The following PCBP3 variants were observed in gnomAD, a reference collection of about 807,000 sequenced individuals.
PCBP3 encodes poly(rC)-binding protein 3.
PCBP3 carries 25 observed loss-of-function variants against 52.7 expected under a neutral mutation model. That is an observed-to-expected ratio of 0.47 (90% CI 0.35 to 0.66). The LOEUF (loss-of-function observed/expected upper bound fraction) is 0.66, where lower values mean the gene tolerates loss of function less well. Ranked by LOEUF, PCBP3 falls within the 30% of genes least tolerant of loss-of-function variation. The pLI, the probability that PCBP3 is intolerant of heterozygous loss-of-function variation, is 0.01. For missense variants in PCBP3, 391 were observed against 490.3 expected, an observed-to-expected ratio of 0.80 and a Z score of 1.91; for synonymous variants, 162 against 183.0, an observed-to-expected ratio of 0.89 and a Z score of 0.93.
rs542435000 is a variant in PCBP3 at position 45,741,205 on chromosome 21, G to A, written c.-162+5776G>A. 8.5e-5 allele frequency among the ~76,000 whole-genome samples: 13 copies of A among 152,294 alleles called. No individual in the cohort carries two copies. Among genetic ancestry groups the A allele is most frequent in the Admixed American group, 7.8e-4 (12 of 15,298 alleles). On this transcript the variant is annotated intron_variant, in intron 3 of 17. Coordinates refer to ENST00000681687, the MANE Select transcript of PCBP3 (RefSeq NM_001384156.1). This position sits in a 1 kb window ranked among gnomAD's most constrained non-coding sequence, Gnocchi z 4.5. Reference sequence around the variant, plus strand: ...CCAAGAAGGGCTGGAGGGTGATGTCGGGATGAGTGGGTCTGCAGTGGTCGG... The same window carrying A: ...CCAAGAAGGGCTGGAGGGTGATGTCAGGATGAGTGGGTCTGCAGTGGTCGG...
intron 2 of PCBP3, among the ~76,000 whole-genome samples, chr21:45,687,821 G>C (rs949156349): frequency 2.0e-5 from 3 of 151,388 alleles, no homozygotes; most frequent in African/African-American, 4.9e-5. Context: ...AGCTCCACCC[G>C]CCAGGTTCAT....
rs1044949937 is a variant in PCBP3, at chr21:45,904,312, G to A, written c.339+3199G>A. ...ATGGCCAAGGAAGCTCGAGGGATTCGGACAGTTTTCATCTTTTGGTCCTTC... is the reference window on the plus strand; with the variant it reads ...ATGGCCAAGGAAGCTCGAGGGATTCAGACAGTTTTCATCTTTTGGTCCTTC... On this transcript the variant is annotated intron_variant, in intron 9 of 17. Transcript: ENST00000681687. This position sits in a 1 kb window ranked among gnomAD's most constrained non-coding sequence, Gnocchi z 4.8. Among the ~76,000 whole-genome samples, 5 of 152,188 alleles carry A rather than the reference G, an allele frequency of 3.3e-5. No homozygotes were observed. The highest frequency in any genetic ancestry group is 2.1e-4 in the South Asian group (1 of 4,824).
At chr21:45,652,194 T>C (rs2079729962) in intron 1 of PCBP3, among the ~76,000 whole-genome samples, 1 of 152,226 alleles carries the variant, frequency 6.6e-6, no homozygotes, top group Admixed American at 6.5e-5. Flanking sequence ...CCCTTGTTCT[T>C]TTCTTCTTGC....
intron 2 of PCBP3, among the ~76,000 whole-genome samples, chr21:45,699,099 G>A (rs1673669342): frequency 6.6e-6 from 1 of 152,140 alleles, no homozygotes; most frequent in Non-Finnish European, 1.5e-5. Context: ...CTCAAACATG[G>A]CTCACAAATG....
chr21:45,854,201 ACTC>A (rs553977930), intron 5 of PCBP3, among the ~76,000 whole-genome samples: 277 of 149,094 alleles, frequency 1.9e-3, no homozygotes, highest in Non-Finnish European at 3.1e-3. Flanking sequence ...CTCAAATACG[ACTC>A]CTCCTGCCCT....
rs1007556181 is a variant in PCBP3, at chr21:45,853,879, GAATA to G, written c.10+3787_10+3790del. 1.3e-5 allele frequency: 2 copies of G among 152,216 alleles called. No homozygotes were observed. Among genetic ancestry groups the G allele is most frequent in the African/African-American group, 4.8e-5 (2 of 41,444 alleles). 9.4% of individuals were successfully genotyped at this position (152,216 alleles called of 1,614,324 possible). On this transcript the variant is annotated intron_variant, in intron 5 of 17. Coordinates refer to ENST00000681687, the MANE Select transcript of PCBP3 (RefSeq NM_001384156.1). The surrounding 1 kb of genome is among the most constrained non-coding windows in gnomAD (Gnocchi z 4.6). The stretch of plus-strand genomic sequence containing the variant: ...AGGTGGTGGTGATAAGGGCCGGTGA[GAATA>G]AAAAGGAGCCGATGGTACGGGGCAG...
intron 1 of PCBP3, among the ~76,000 whole-genome samples, chr21:45,644,745 G>A (rs2146639824): frequency 6.6e-6 from 1 of 152,248 alleles, no homozygotes; most frequent in East Asian, 1.9e-4. Context: ...TTCGCCAGAA[G>A]GAATCTTGAG....
intron 4 of PCBP3, among the ~76,000 whole-genome samples, chr21:45,787,625 C>T (rs778627489): frequency 1.9e-4 from 29 of 152,240 alleles, no homozygotes; most frequent in Admixed American, 1.8e-3. Context: ...GGGAACAAAG[C>T]GAGTCCCCCT....
intron 5 of PCBP3, chr21:45,872,785 A>AT (rs1312710533): frequency 6.6e-6 from 1 of 152,096 alleles, no homozygotes; most frequent in African/African-American, 2.4e-5. Flanking sequence ...GTTGTTTATT[A>AT]TTATTTGTAT....
At chr21:45,779,137 CA>C (rs2090459787) in intron 4 of PCBP3, among the ~76,000 whole-genome samples, 1 of 152,238 alleles carries the variant, frequency 6.6e-6, no homozygotes, top group Non-Finnish European at 1.5e-5. Flanking sequence ...CCTAGGACAT[CA>C]CGCAGTCTGC....
chr21:45,658,693 T>C (rs768475383), intron 1 of PCBP3, among the ~76,000 whole-genome samples: 4 of 152,346 alleles, frequency 2.6e-5, no homozygotes, highest in Non-Finnish European at 5.9e-5. Flanking sequence ...ATTAGGGTAA[T>C]ACTGGCCTTA....
rs1363346650 is a variant in PCBP3 at position 45,904,083 on chromosome 21, G to A, written c.339+2970G>A. Among the ~76,000 whole-genome samples the A allele has an allele frequency of 2.6e-5, 4 of 152,176 alleles. No individual in the cohort carries two copies. Among genetic ancestry groups the A allele is most frequent in the Non-Finnish European group, 5.9e-5 (4 of 68,030 alleles). On this transcript the variant is annotated intron_variant, in intron 9 of 17. Coordinates refer to ENST00000681687, the MANE Select transcript of PCBP3 (RefSeq NM_001384156.1). This position sits in a 1 kb window ranked among gnomAD's most constrained non-coding sequence, Gnocchi z 4.8. ...ATCTCCTGGTTGAAGGTCCTAAGGA[G>A]GATGTTTGGGAAGATGTCATGGGAA...
At chr21:45,891,243 G>A (rs1382828359) in intron 5 of PCBP3, among the ~76,000 whole-genome samples, 1 of 152,220 alleles carries the variant, frequency 6.6e-6, no homozygotes, top group Non-Finnish European at 1.5e-5. Context: ...CAACCGTTGT[G>A]CTCCTAGGTG....
Position 45,788,995 on chromosome 21 carries a change from A to G in PCBP3, c.-126+33543A>G, listed in dbSNP as rs2091345086. Among the ~76,000 whole-genome samples the G allele has an allele frequency of 6.6e-6, 1 of 152,238 alleles. No homozygotes were observed. Among genetic ancestry groups the G allele is most frequent in the Non-Finnish European group, 1.5e-5 (1 of 68,036 alleles). On this transcript the variant is annotated intron_variant, in intron 4 of 17. Coordinates refer to ENST00000681687, the MANE Select transcript of PCBP3 (RefSeq NM_001384156.1). The surrounding 1 kb of genome is among the most constrained non-coding windows in gnomAD (Gnocchi z 4.3). Reference sequence around the variant, plus strand: ...CAACAGACTTATTCAGCCAACAGTAACCAAATACATGCTCTGTGCCCTGCT... The same window carrying G: ...CAACAGACTTATTCAGCCAACAGTAGCCAAATACATGCTCTGTGCCCTGCT...
chr21:45,806,108 T>C (rs1481950933), intron 4 of PCBP3, among the ~76,000 whole-genome samples: 4 of 152,236 alleles, frequency 2.6e-5, no homozygotes, highest in African/African-American at 7.2e-5. Flanking sequence ...AGGTGTGATG[T>C]GTCTGAGGAC....
At chr21:45,863,580 G>GT (rs1222423535) in intron 5 of PCBP3, among the ~76,000 whole-genome samples, 4 of 152,242 alleles carry the variant, frequency 2.6e-5, no homozygotes, top group African/African-American at 9.6e-5. Flanking sequence ...CCTGGCCCAT[G>GT]TCACGCGGCT....
chr21:45,678,898 T>C (rs1431179638), intron 2 of PCBP3, among the ~76,000 whole-genome samples: 1 of 151,990 alleles, frequency 6.6e-6, no homozygotes, highest in Non-Finnish European at 1.5e-5. Context: ...GAGAAAACTT[T>C]CGTGAAAGGA....
chr21:45,691,383 G>C (rs1423739126), intron 2 of PCBP3, among the ~76,000 whole-genome samples: 1 of 140,772 alleles, frequency 7.1e-6, no homozygotes, highest in East Asian at 2.0e-4. Context: ...TGTGGGGGTA[G>C]TTATATATAT....
At chr21:45,941,251 A>G (rs1223284168) in intron 17 of PCBP3, among the ~76,000 whole-genome samples, 1 of 152,194 alleles carries the variant, frequency 6.6e-6, no homozygotes, top group Non-Finnish European at 1.5e-5. Context: ...CCCGCCTGCC[A>G]GACCGCATTA....
Sources: gnomAD v4.1 joint callset for allele counts (sites outside exome capture counted in the v4.1 genomes callset) on GRCh38, gnomAD v4.1.1 for gene constraint, Gnocchi (gnomAD v3.1) non-coding constraint, MANE v1.5 for transcripts, NCBI Gene and HGNC (gene_info 2026-07-23, HGNC 2026-07-21) for gene names.